Variants in PEX1 observed in about 807,000 individuals in gnomAD.
PEX1 encodes peroxisomal ATPase PEX1.
Under a neutral mutation model 152.5 loss-of-function variants are expected in PEX1, and 97 were observed. That is an observed-to-expected ratio of 0.64 (90% CI 0.54 to 0.75). The LOEUF (loss-of-function observed/expected upper bound fraction) is 0.75. PEX1 is among the 30% of genes least tolerant of loss of function. The probability of loss-of-function intolerance (pLI) is 0.00; values close to 1 mark genes in which losing one functional copy is unlikely to be tolerated. For missense variants in PEX1, 1,357 were observed against 1,516.3 expected (o/e 0.89, Z 1.74); for synonymous variants, 485 against 531.6 (o/e 0.91, Z 1.21).
chr7:92,516,044 A>AAG (rs1164948311), intron 5 of PEX1, among the ~76,000 whole-genome samples: 1 of 110,684 alleles, frequency 9.0e-6, no homozygotes, highest in African/African-American at 3.6e-5. Context: ...AAGAGAAGAG[A>AAG]AGAGAAGAGA....
At position 92,508,537 on chromosome 7, in the gene PEX1, C is replaced by CA. The variant is rs374327161; in HGVS notation, c.1670+791dup. Among the ~76,000 whole-genome samples, 345 of 118,966 alleles carry CA rather than the reference C, an allele frequency of 2.9e-3. 3 individuals are homozygous for CA. The highest frequency in any genetic ancestry group is 0.015 in the East Asian group (63 of 4,166). The allele number at this position is 118,966 out of a possible 152,430, so 78.0% of individuals were successfully genotyped here. On this transcript the variant is annotated intron_variant, in intron 9 of 23. Coordinates refer to ENST00000248633, the MANE Select transcript of PEX1 (RefSeq NM_000466.3). ...TGAGTGACAAAGTGAGAGTCCATCT[C>CA]AAAAAAAAAAAAAGAGATTTTATTT...
intron 13 of PEX1, 23 bp from the exon 14 acceptor site, chr7:92,502,102 C>A (rs202179983): frequency 2.0e-6 from 3 of 1,492,768 alleles, no homozygotes; most frequent in East Asian, 2.3e-5. Flanking sequence ...ACACAAAATT[C>A]GAATTTCCAA....
chr7:92,504,950 G>C, intron 11 of PEX1, 48 bp from the exon 12 acceptor site: 10 of 1,385,030 alleles, frequency 7.2e-6, no homozygotes, highest in Non-Finnish European at 1.0e-5. Flanking sequence ...TCAGTGCTGG[G>C]AAAATTCAGG....
Position 92,496,448 on chromosome 7 carries a change from CTG to C in PEX1, c.2783+263_2783+264del, listed in dbSNP as rs144461711. On this transcript the variant is annotated intron_variant, in intron 17 of 23. Coordinates refer to ENST00000248633, the MANE Select transcript of PEX1 (RefSeq NM_000466.3). ...TATTTGCTTCATATAAGAATCTACT[CTG>C]AGATTTCTTTGAATAACCACTTCGA... is the stretch of plus-strand genomic sequence containing the variant. Among the ~76,000 whole-genome samples, 804 of 152,244 alleles carry C rather than the reference CTG, an allele frequency of 5.3e-3. 5 individuals carry two copies. The highest frequency in any genetic ancestry group is 0.018 in the African/African-American group (740 of 41,566).
At chr7:92,489,598 T>G in intron 22 of PEX1, 116 bp downstream of exon 22, 1 of 1,050,822 alleles carries the variant, frequency 9.5e-7, no homozygotes. Flanking sequence ...AGTTAATGTG[T>G]TCTGGTCCCT....
intron 16 of PEX1, among the ~76,000 whole-genome samples, chr7:92,498,448 ACACTC>A (rs1238219471): frequency 6.6e-6 from 1 of 152,144 alleles, no homozygotes; most frequent in African/African-American, 2.4e-5. Context: ...TTGCATCACT[ACACTC>A]CAGCCTGGCC....
intron 9 of PEX1, 119 bp from the exon 10 acceptor site, chr7:92,507,245 CTT>C (rs79143453): frequency 3.3e-4 from 229 of 692,008 alleles, no homozygotes; most frequent in East Asian, 6.3e-4. Context: ...AATTTTTTAT[CTT>C]TTTTTTTTTG....
intron 7 of PEX1, 33 bp from the exon 8 acceptor site, chr7:92,511,080 G>T: frequency 1.1e-6 from 1 of 946,496 alleles, no homozygotes; most frequent in Non-Finnish European, 1.7e-6. Flanking sequence ...TGCAGAGTTA[G>T]TACTGAAACA....
At chr7:92,512,939 T>A (rs1188166296) in intron 6 of PEX1, among the ~76,000 whole-genome samples, 1 of 152,098 alleles carries the variant, frequency 6.6e-6, no homozygotes, top group East Asian at 1.9e-4. Context: ...CCTGCAAAGA[T>A]CTTTAAGTTC....
intron 9 of PEX1, chr7:92,507,433 T>C (rs1792254841): frequency 3.3e-6 from 1 of 306,646 alleles, no homozygotes; most frequent in East Asian, 8.3e-5. Flanking sequence ...GCATTTGTTG[T>C]AGAGACGGGG....
intron 1 of PEX1, among the ~76,000 whole-genome samples, chr7:92,525,128 C>G (rs920583160): frequency 3.3e-5 from 5 of 152,158 alleles, no homozygotes; most frequent in Admixed American, 1.3e-4. Context: ...GACCAATGTT[C>G]TAAGTTAATT....
In PEX1 at chr7:92,494,410, G is replaced by T; in HGVS notation, c.2927-14C>A. The T allele has an allele frequency of 6.2e-7, 1 of 1,611,968 alleles. No homozygotes were observed. The highest frequency in any genetic ancestry group is 1.1e-5 in the South Asian group (1 of 91,048). On this transcript the variant is annotated splice_polypyrimidine_tract_variant and intron_variant, in intron 18 of 23. Coordinates refer to ENST00000248633, the MANE Select transcript of PEX1 (RefSeq NM_000466.3). The stretch of plus-strand genomic sequence containing the variant: ...ATACATAAACACCTAGAGGAAAAAA[G>T]AACATTTTTTTACCAAAATCTGATG...
intron 21 of PEX1, 123 bp from the exon 22 acceptor site, chr7:92,490,034 T>G: frequency 2.5e-6 from 2 of 796,430 alleles, no homozygotes; most frequent in Non-Finnish European, 4.1e-6. Flanking sequence ...TAAGTATACA[T>G]GTTAATTAAC....
rs774417644 is a variant in PEX1 at position 92,507,080 on chromosome 7, T to C, written c.1717A>G (p.Ser573Gly). Residue 573 changes from serine (S) to glycine (G), a missense_variant, in exon 10 of 24, where the codon AGC (serine) becomes GGC (glycine). Physicochemically the swap from Ser to Gly is moderately conservative, Grantham distance 56 (BLOSUM62 0). Transcript: ENST00000248633. The stretch of plus-strand genomic sequence containing the variant: ...CGAGACAAAGGGCGTCCCAGGAGGC[T>C]GTGAGTGATGTGCTCCAAGGAGGAT... ...GVSSLEHITH[S>G]LLGRPLSRQL... 65 of 1,613,714 alleles carry C rather than the reference T, an allele frequency of 4.0e-5. No individual in the cohort carries two copies. The highest frequency in any genetic ancestry group is 2.2e-5 in the South Asian group (2 of 91,086).
rs138008298 is a variant in PEX1, at chr7:92,504,744, G to A, written c.2059C>T (p.Arg687Trp). The A allele has an allele frequency of 3.5e-5, 56 of 1,613,870 alleles. No homozygotes were observed. The highest frequency in any genetic ancestry group is 3.3e-4 in the Admixed American group (20 of 59,996). Reference protein sequence around the residue: ...EHSPDAVQSQRLAHALNDMIK... With the variant: ...EHSPDAVQSQWLAHALNDMIK... ...TGGATGCATTTACCATGAGCAAGCC[G>A]CTGGCTCTGCACCGCATCAGGACTG... is the stretch of plus-strand genomic sequence containing the variant. The change falls in exon 12 of 24, where the codon CGG (arginine) becomes TGG (tryptophan). Residue 687 changes from arginine to tryptophan, a missense_variant. Coordinates refer to ENST00000248633, the MANE Select transcript of PEX1 (RefSeq NM_000466.3).
chr7:92,491,648 T>G (rs1232064804), intron 20 of PEX1, 146 bp from the exon 21 acceptor site: 3 of 620,252 alleles, frequency 4.8e-6, no homozygotes, highest in Admixed American at 2.9e-5. Flanking sequence ...CTAACGGTTT[T>G]GAGGCACATG....
At chr7:92,493,817 CATTT>C (rs1435240730) in intron 19 of PEX1, 1 of 187,060 alleles carries the variant, frequency 5.3e-6, no homozygotes, top group Non-Finnish European at 1.1e-5. Flanking sequence ...TTTGACTATT[CATTT>C]GTCTATCTGT....
At chr7:92,494,454 A>G (rs1250831042) in intron 18 of PEX1, 33 bp downstream of exon 18, 3 of 1,612,268 alleles carry the variant, frequency 1.9e-6, no homozygotes, top group Admixed American at 3.3e-5. Context: ...ACATTTTGTT[A>G]TAACATTCTA....
In PEX1 at chr7:92,507,038, C is replaced by G; in HGVS notation, c.1759G>C (p.Val587Leu). The G allele has an allele frequency of 6.2e-7, 1 of 1,614,132 alleles. No individual in the cohort carries two copies. Among genetic ancestry groups the G allele is most frequent in the Non-Finnish European group, 8.5e-7 (1 of 1,179,988 alleles). The change falls in exon 10 of 24, where the codon GTT (valine) becomes CTT (leucine). Residue 587 changes from valine to leucine, a missense_variant. Coordinates refer to ENST00000248633, the MANE Select transcript of PEX1 (RefSeq NM_000466.3). ...AGAGCTCCATTCCTAAGTCCTGCAA[C>G]AAGAGACATCAGCTGCCGAGACAAA... ...RPLSRQLMSL[V>L]AGLRNGALLL... is the part of the protein sequence containing the mutation.
Sources: allele counts gnomAD v4.1 joint callset (sites outside exome capture counted in the v4.1 genomes callset), GRCh38; gene constraint gnomAD v4.1.1; transcripts MANE v1.5; gene names NCBI Gene and HGNC (gene_info 2026-07-23, HGNC 2026-07-21).